KCTD16: variants seen among roughly 807,000 people sequenced by gnomAD.
The protein encoded by KCTD16 is BTB/POZ domain-containing protein KCTD16.
KCTD16 carries 13 observed loss-of-function variants against 33.2 expected under a neutral mutation model. That is an observed-to-expected ratio of 0.39 (90% confidence interval 0.25 to 0.62). The LOEUF (loss-of-function observed/expected upper bound fraction) is 0.62. Among genes scored for constraint, KCTD16 ranks in the 20% least tolerant of loss-of-function variants. The pLI is 0.50. For missense variants in KCTD16, 441 were observed against 525.1 expected (o/e 0.84, Z 1.57); for synonymous variants, 197 against 195.3 (o/e 1.01, Z -0.07).
intron 3 of KCTD16, among the ~76,000 whole-genome samples, chr5:144,425,349 G>A (rs1262164188): frequency 6.6e-6 from 1 of 151,850 alleles, no homozygotes; most frequent in African/African-American, 2.4e-5. Context: ...GCCTTGTTGG[G>A]CTCATCCCAC....
At chr5:144,238,352 A>C (rs1017408726) in intron 3 of KCTD16, among the ~76,000 whole-genome samples, 2 of 152,102 alleles carry the variant, frequency 1.3e-5, no homozygotes, top group Non-Finnish European at 2.9e-5. Flanking sequence ...TGTCCCTTAA[A>C]ATTCTAGTCT....
intron 3 of KCTD16, among the ~76,000 whole-genome samples, chr5:144,410,871 C>G (rs545941464): frequency 4.6e-5 from 7 of 152,254 alleles, no homozygotes; most frequent in African/African-American, 1.7e-4. Context: ...AAATACAGCT[C>G]TGTTATAAGC....
chr5:144,358,741 G>A (rs894911368), intron 3 of KCTD16, among the ~76,000 whole-genome samples: 7 of 152,176 alleles, frequency 4.6e-5, no homozygotes, highest in African/African-American at 1.4e-4. Flanking sequence ...GATGTTTGGT[G>A]AAGACCTACT....
intron 2 of KCTD16, among the ~76,000 whole-genome samples, chr5:144,180,962 T>C (rs1248911175): frequency 6.6e-6 from 1 of 151,636 alleles, no homozygotes; most frequent in Non-Finnish European, 1.5e-5. Context: ...AGACGGAGTC[T>C]CGCTCTGTCG....
At chr5:144,190,128 C>G (rs531977279) in intron 2 of KCTD16, among the ~76,000 whole-genome samples, 1 of 152,322 alleles carries the variant, frequency 6.6e-6, no homozygotes, top group South Asian at 2.1e-4. Context: ...CTCTGTGTCT[C>G]CTTAACGCTA....
At chr5:144,284,232 T>G (rs1268599687) in intron 3 of KCTD16, among the ~76,000 whole-genome samples, 3 of 152,202 alleles carry the variant, frequency 2.0e-5, no homozygotes, top group African/African-American at 7.2e-5. Context: ...AGGAAGTGGA[T>G]TCTGCTGTTG....
chr5:144,325,705 G>C (rs1033563664), intron 3 of KCTD16, among the ~76,000 whole-genome samples: 1 of 152,080 alleles, frequency 6.6e-6, no homozygotes, highest in African/African-American at 2.4e-5. Flanking sequence ...TCCTGAAGAG[G>C]CACCTTGACC....
At chr5:144,205,623 C>T (rs1217877287) in intron 2 of KCTD16, 2 of 398,574 alleles carry the variant, frequency 5.0e-6, no homozygotes, top group Admixed American at 4.4e-5. Flanking sequence ...TGAAAAGCTT[C>T]TAAGTCCTGG....
At position 144,206,697 on chromosome 5, in the gene KCTD16, C is replaced by A. The variant is rs778987338; in HGVS notation, c.-18C>A. The A allele has an allele frequency of 6.3e-7, 1 of 1,588,278 alleles. No homozygotes were observed. The highest frequency in any genetic ancestry group is 8.6e-7 in the Non-Finnish European group (1 of 1,162,776). On this transcript the variant is annotated 5_prime_UTR_variant, in exon 3 of 4. Transcript: ENST00000512467. ...TTGCACCTTTAAATCAAAATAGCAG[C>A]AGCAGAAGAAAGGGACAATGGCTCT...
intron 3 of KCTD16, among the ~76,000 whole-genome samples, chr5:144,266,648 T>C (rs1755147902): frequency 6.6e-6 from 1 of 152,196 alleles, no homozygotes; most frequent in Admixed American, 6.5e-5. Flanking sequence ...TCTTCCTTCT[T>C]GGAGATAAAT....
chr5:144,229,478 T>G (rs1282539870), intron 3 of KCTD16, among the ~76,000 whole-genome samples: 4 of 152,048 alleles, frequency 2.6e-5, no homozygotes, highest in African/African-American at 9.7e-5. Context: ...TAAAGGAGGA[T>G]GAGATTTTTG....
At chr5:144,188,137 T>A (rs1445866844) in intron 2 of KCTD16, among the ~76,000 whole-genome samples, 1 of 152,232 alleles carries the variant, frequency 6.6e-6, no homozygotes, top group Non-Finnish European at 1.5e-5. Context: ...TTGATGGGGT[T>A]GAGTCTAGGC....
At chr5:144,216,833 G>T (rs1283051831) in intron 3 of KCTD16, among the ~76,000 whole-genome samples, 1 of 147,936 alleles carries the variant, frequency 6.8e-6, no homozygotes, top group African/African-American at 2.6e-5. Context: ...CACAGAGGGA[G>T]ACTCTGTCTG....
chr5:144,465,186 CCCCT>C (rs1319201485), intron 3 of KCTD16, among the ~76,000 whole-genome samples: 2 of 105,938 alleles, frequency 1.9e-5, no homozygotes, highest in African/African-American at 3.7e-5. Flanking sequence ...CTCTCTCCCC[CCCCT>C]CTCTCTCTCA....
chr5:144,249,282 C>T (rs1754632924), intron 3 of KCTD16, among the ~76,000 whole-genome samples: 1 of 152,082 alleles, frequency 6.6e-6, no homozygotes, highest in African/African-American at 2.4e-5. Flanking sequence ...GTCAGAGGCT[C>T]CTTGTGATTA....
At chr5:144,281,026 C>G (rs1755592213) in intron 3 of KCTD16, among the ~76,000 whole-genome samples, 1 of 147,234 alleles carries the variant, frequency 6.8e-6, no homozygotes, top group Non-Finnish European at 1.5e-5. Context: ...AAACAAAATA[C>G]AAAAAATTAG....
At chr5:144,469,477 T>C (rs1010161954) in intron 3 of KCTD16, among the ~76,000 whole-genome samples, 1 of 152,242 alleles carries the variant, frequency 6.6e-6, no homozygotes, top group Non-Finnish European at 1.5e-5. Flanking sequence ...AGCAAGCCCC[T>C]GATTTGTTTC....
At chr5:144,199,004 C>T (rs1752990871) in intron 2 of KCTD16, among the ~76,000 whole-genome samples, 1 of 152,122 alleles carries the variant, frequency 6.6e-6, no homozygotes, top group South Asian at 2.1e-4. Flanking sequence ...AACTCTATTT[C>T]CTTAAGTTGC....
rs1277217575 is a variant in KCTD16, at chr5:144,478,648, G to A, written c.*4534G>A. ...CTAGTCTCCTTAATAATTTTGATGA[G>A]GATTGTCTATAGACCTTACTTTGAA... On this transcript the variant is annotated 3_prime_UTR_variant, in exon 4 of 4. Coordinates refer to ENST00000512467, the MANE Select transcript of KCTD16 (RefSeq NM_020768.4). 1 of 152,020 alleles carries A rather than the reference G, an allele frequency of 6.6e-6. No homozygotes were observed. Among genetic ancestry groups the A allele is most frequent in the East Asian group, 1.9e-4 (1 of 5,184 alleles). 9.4% of individuals were successfully genotyped at this position (152,020 alleles called of 1,614,324 possible).
Sources: allele counts gnomAD v4.1 joint callset (sites outside exome capture counted in the v4.1 genomes callset), GRCh38; gene constraint gnomAD v4.1.1; transcripts MANE v1.5; gene names NCBI Gene and HGNC (gene_info 2026-07-23, HGNC 2026-07-21).